Variants in GABBR2 observed in about 807,000 individuals in gnomAD.
The protein encoded by GABBR2 is G-protein coupled receptor 51.
In GABBR2, 23 loss-of-function variants were observed where a neutral mutation model predicts 105.6. That is an observed-to-expected ratio of 0.22 (90% CI 0.16 to 0.31). The LOEUF is 0.31. GABBR2 is among the 10% of genes least tolerant of loss of function. The pLI, the probability that GABBR2 is intolerant of heterozygous loss-of-function variation, is 1.00. For synonymous variants in GABBR2, 478 were observed against 499.7 expected (o/e 0.96, Z 0.58); for missense variants, 734 against 1,245.5 (o/e 0.59, Z 6.18).
intron 2 of GABBR2, among the ~76,000 whole-genome samples, chr9:98,558,523 A>T (rs1828621234): frequency 6.6e-6 from 1 of 152,170 alleles, no homozygotes; most frequent in African/African-American, 2.4e-5. Flanking sequence ...GAAAGAAGGG[A>T]TTTGCCCAGT....
In GABBR2 at chr9:98,447,219, G is replaced by A. The variant is rs1244740153; in HGVS notation, c.1236+6762C>T. On this transcript the variant is annotated intron_variant, in intron 7 of 18. Transcript: ENST00000259455. ...TGGGACTACAGGCGCCCGCCACTACGCCCGGCTAATTTTTTGTATTTTTAG... is the reference window on the plus strand; with the variant it reads ...TGGGACTACAGGCGCCCGCCACTACACCCGGCTAATTTTTTGTATTTTTAG... Among the ~76,000 whole-genome samples, 8 of 141,174 alleles carry A rather than the reference G, an allele frequency of 5.7e-5. 1 individual carries two copies. Among genetic ancestry groups the A allele is most frequent in the East Asian group, 4.4e-4 (2 of 4,570 alleles). The allele number at this position is 141,174 out of a possible 152,430, so 92.6% of individuals were successfully genotyped here.
chr9:98,430,288 CAAAAAAAA>C (rs55760467), intron 7 of GABBR2, among the ~76,000 whole-genome samples: 1 of 88,976 alleles, frequency 1.1e-5, no homozygotes, highest in African/African-American at 4.8e-5. Flanking sequence ...GACTCCGTCT[CAAAAAAAA>C]AAAAAAAAAA....
At chr9:98,469,439 T>TG (rs1424596760) in intron 6 of GABBR2, among the ~76,000 whole-genome samples, 7 of 152,192 alleles carry the variant, frequency 4.6e-5, no homozygotes, top group African/African-American at 1.7e-4. Context: ...AATCTCATCA[T>TG]GAGAGCCTGG....
intron 1 of GABBR2, among the ~76,000 whole-genome samples, chr9:98,643,597 A>G (rs1193618317): frequency 6.6e-6 from 1 of 152,116 alleles, no homozygotes; most frequent in Non-Finnish European, 1.5e-5. Flanking sequence ...GCGCAGAGGG[A>G]CGGAATTAGC....
At chr9:98,677,863 C>A (rs1830495047) in intron 1 of GABBR2, among the ~76,000 whole-genome samples, 1 of 152,158 alleles carries the variant, frequency 6.6e-6, no homozygotes, top group Non-Finnish European at 1.5e-5. Flanking sequence ...CTCAGAGAGG[C>A]CTTCTCTGGA....
chr9:98,343,003 ACT>A (rs1831241719), intron 13 of GABBR2, among the ~76,000 whole-genome samples: 1 of 151,878 alleles, frequency 6.6e-6, no homozygotes, highest in South Asian at 2.1e-4. Flanking sequence ...ATTATTTAAA[ACT>A]CTATGTGTTT....
chr9:98,707,007 T>A (rs1411701593), intron 1 of GABBR2, among the ~76,000 whole-genome samples: 1 of 152,138 alleles, frequency 6.6e-6, no homozygotes, highest in Non-Finnish European at 1.5e-5. Context: ...AGAGGACGCC[T>A]CTCCGCCTGC....
intron 5 of GABBR2, among the ~76,000 whole-genome samples, chr9:98,474,057 T>TA (rs934187851): frequency 4.6e-5 from 7 of 152,210 alleles, no homozygotes; most frequent in Admixed American, 4.6e-4. Context: ...ATTCAGATCC[T>TA]AAAAAAATTC....
At chr9:98,606,950 C>T (rs1829432461) in intron 1 of GABBR2, 3 of 722,552 alleles carry the variant, frequency 4.2e-6, no homozygotes, top group East Asian at 2.5e-5. Context: ...CCTGCTTGCC[C>T]GCGGCTCCGC....
intron 5 of GABBR2, among the ~76,000 whole-genome samples, chr9:98,474,812 T>G (rs910075456): frequency 1.3e-5 from 2 of 152,104 alleles, no homozygotes; most frequent in Non-Finnish European, 2.9e-5. Flanking sequence ...CTCCTATATG[T>G]TAGAGAAAAG....
intron 18 of GABBR2, among the ~76,000 whole-genome samples, chr9:98,293,450 TA>T (rs1588084344): frequency 6.6e-6 from 1 of 152,170 alleles, no homozygotes; most frequent in African/African-American, 2.4e-5. Context: ...GAGGTCTCAG[TA>T]AACTGTTAAG....
At chr9:98,334,319 G>A (rs1019896588) in intron 13 of GABBR2, among the ~76,000 whole-genome samples, 2 of 152,200 alleles carry the variant, frequency 1.3e-5, no homozygotes, top group African/African-American at 2.4e-5. Context: ...CAAAGGGACG[G>A]ATGCAAAAAG....
At chr9:98,589,650 C>T (rs968612971) in intron 1 of GABBR2, among the ~76,000 whole-genome samples, 12 of 151,212 alleles carry the variant, frequency 7.9e-5, no homozygotes, top group South Asian at 4.2e-4. Context: ...AAGACACTTA[C>T]GTCAAACCAG....
chr9:98,373,667 C>T (rs1831823663), intron 11 of GABBR2, among the ~76,000 whole-genome samples: 1 of 152,104 alleles, frequency 6.6e-6, no homozygotes, highest in Non-Finnish European at 1.5e-5. Flanking sequence ...ACTGTTAAGA[C>T]CAATGGTCTA....
intron 7 of GABBR2, among the ~76,000 whole-genome samples, chr9:98,417,830 G>C (rs917552752): frequency 1.3e-5 from 2 of 152,176 alleles, no homozygotes; most frequent in Non-Finnish European, 2.9e-5. Context: ...TCTTTGAGGG[G>C]GTGGCTTAGG....
intron 13 of GABBR2, among the ~76,000 whole-genome samples, chr9:98,315,796 A>G (rs1253422158): frequency 6.6e-6 from 1 of 152,190 alleles, no homozygotes; most frequent in Non-Finnish European, 1.5e-5. Context: ...ACCAACTACT[A>G]TAGATCGGTG....
chr9:98,303,430 G>A lies in GABBR2; in HGVS notation c.2230-7C>T. The stretch of plus-strand genomic sequence containing the variant: ...TTGTTCTCAGGGTGATGAGCTGAAA[G>A]GACAAAGGTTGGGGCGGGGTTGAAG... On this transcript the variant is annotated splice_polypyrimidine_tract_variant and splice_region_variant and intron_variant, in intron 15 of 18. Coordinates refer to ENST00000259455, the MANE Select transcript of GABBR2 (RefSeq NM_005458.8). 6.2e-7 allele frequency: 1 copy of A among 1,613,500 alleles called. No homozygotes were observed. Among genetic ancestry groups the A allele is most frequent in the Non-Finnish European group, 8.5e-7 (1 of 1,179,568 alleles).
At chr9:98,578,451 A>C (rs1828951203) in intron 1 of GABBR2, among the ~76,000 whole-genome samples, 1 of 152,128 alleles carries the variant, frequency 6.6e-6, no homozygotes, top group African/African-American at 2.4e-5. Flanking sequence ...AAAAACACAC[A>C]GAAAACAACA....
intron 6 of GABBR2, among the ~76,000 whole-genome samples, chr9:98,455,789 C>A (rs1432519977): frequency 1.3e-5 from 2 of 152,218 alleles, no homozygotes; most frequent in African/African-American, 4.8e-5. Context: ...TGGGGTCACC[C>A]ACACAGATGC....
Sources: gnomAD v4.1 joint callset for allele counts (sites outside exome capture counted in the v4.1 genomes callset) on GRCh38, gnomAD v4.1.1 for gene constraint, MANE v1.5 for transcripts, NCBI Gene and HGNC (gene_info 2026-07-23, HGNC 2026-07-21) for gene names.